HSP90AA1: variants seen among roughly 807,000 people sequenced by gnomAD.
HSP90AA1 encodes heat shock protein 90 alpha family class A member 1, also known as heat shock protein HSP 90-alpha.
A neutral mutation model predicts 73.3 loss-of-function variants in HSP90AA1; 18 were observed. The observed-to-expected ratio is 0.25, with a 90% CI of 0.17 to 0.36. HSP90AA1 has a LOEUF of 0.36. Ranked by LOEUF, HSP90AA1 falls within the 10% of genes least tolerant of loss-of-function variation. The probability of loss-of-function intolerance (pLI) is 1.00; values close to 1 mark genes in which losing one functional copy is unlikely to be tolerated. For missense variants in HSP90AA1, 704 were observed against 874.2 expected (o/e 0.81, Z 2.45); for synonymous variants, 477 against 296.9 (o/e 1.61, Z -6.24).
In HSP90AA1 at chr14:102,084,948, C is replaced by CT; in HGVS notation, c.713dup (p.Glu239GlyfsTer19). ...TTTCTTTTTCTTCTTCTTTGTCTTCCTTTTCTTCAGCCTCATCATCGCTTA... is the reference window on the plus strand; with the variant it reads ...TTTCTTTTTCTTCTTCTTTGTCTTCCTTTTTCTTCAGCCTCATCATCGCTTA... On this transcript the variant is annotated frameshift_variant, in exon 5 of 11. Transcript: ENST00000216281. LOFTEE classifies it high-confidence loss of function. The CT allele has an allele frequency of 6.2e-7, 1 of 1,604,174 alleles. No individual in the cohort carries two copies. Among genetic ancestry groups the CT allele is most frequent in the Non-Finnish European group, 8.5e-7 (1 of 1,171,266 alleles).
intron 1 of HSP90AA1, among the ~76,000 whole-genome samples, chr14:102,133,455 G>A (rs1038712437): frequency 2.0e-5 from 3 of 151,570 alleles, no homozygotes; most frequent in African/African-American, 7.3e-5. Context: ...TATTACCCAG[G>A]GCTTGGTGAG....
chr14:102,082,514 C>T (rs557742309), intron 9 of HSP90AA1, 70 bp from the exon 10 acceptor site: 41 of 1,210,572 alleles, frequency 3.4e-5, no homozygotes, highest in Non-Finnish European at 4.6e-5. Context: ...GAAATGAAAT[C>T]TGTAGAACCC....
intron 1 of HSP90AA1, among the ~76,000 whole-genome samples, chr14:102,108,171 G>C (rs761569459): frequency 4.0e-5 from 6 of 149,274 alleles, no homozygotes; most frequent in Non-Finnish European, 5.9e-5. Flanking sequence ...GCTGAGGTGG[G>C]AGGACTGCTT....
chr14:102,087,080 G>A (rs572483444), upstream of HSP90AA1: 621 of 983,386 alleles, frequency 6.3e-4, 2 homozygotes, highest in African/African-American at 9.6e-3. Context: ...ATATAGCGAC[G>A]GGCCCGCCCA....
upstream of HSP90AA1, chr14:102,139,727 C>A (rs1364829592): frequency 5.4e-5 from 44 of 819,380 alleles, no homozygotes; most frequent in East Asian, 1.1e-3. Context: ...TGGAGCACGC[C>A]AGGTGAGCAC....
At chr14:102,108,531 C>CTTTTTTTT in intron 1 of HSP90AA1, among the ~76,000 whole-genome samples, 1 of 130,786 alleles carries the variant, frequency 7.6e-6, no homozygotes, top group Non-Finnish European at 1.6e-5. Context: ...TAACTTATAA[C>CTTTTTTTT]TTTTTTTTTT....
At chr14:102,084,154 C>T in intron 6 of HSP90AA1, 171 bp from the exon 7 acceptor site, 1 of 710,652 alleles carries the variant, frequency 1.4e-6, no homozygotes, top group Non-Finnish European at 2.4e-6. Context: ...ACTGCAACCT[C>T]TGCCTCCCGG....
chr14:102,136,547 C>T (rs1402948720), intron 1 of HSP90AA1, among the ~76,000 whole-genome samples: 4 of 86,450 alleles, frequency 4.6e-5, no homozygotes, highest in Non-Finnish European at 8.3e-5. Flanking sequence ...CCAGCCTGGG[C>T]GACAGAGTGA....
chr14:102,117,770 G>A (rs1205181442), intron 1 of HSP90AA1, among the ~76,000 whole-genome samples: 4 of 152,130 alleles, frequency 2.6e-5, no homozygotes, highest in African/African-American at 7.2e-5. Flanking sequence ...TGCTCACCAC[G>A]TTGCGGGCGA....
chr14:102,084,184 A>T, intron 6 of HSP90AA1: 3 of 678,672 alleles, frequency 4.4e-6, no homozygotes, highest in Non-Finnish European at 7.7e-6. Context: ...AGCTGTTTTC[A>T]TGCCTCAGCC....
At chr14:102,121,022 TAC>T (rs1196251138) in intron 1 of HSP90AA1, among the ~76,000 whole-genome samples, 159 of 145,266 alleles carry the variant, frequency 1.1e-3, no homozygotes, top group African/African-American at 3.7e-3. Flanking sequence ...CACACACACA[TAC>T]ACACACACAC....
At position 102,113,697 on chromosome 14, in the gene HSP90AA1, T is replaced by A. The variant is rs1483359182; in HGVS notation, c.156-11612A>T. Reference sequence around the variant, plus strand: ...ACCAGGCATACTCATTTATTTTATTTTTTTATTTTTATTTATTTATTTGTT... The same window carrying A: ...ACCAGGCATACTCATTTATTTTATTATTTTATTTTTATTTATTTATTTGTT... On this transcript the variant is annotated intron_variant, in intron 1 of 11. Coordinates refer to the HSP90AA1 transcript ENST00000334701. 2.6e-5 allele frequency among the ~76,000 whole-genome samples: 4 copies of A among 151,974 alleles called. No homozygotes were observed. The East Asian group carries it at 7.7e-4, about 29-fold the overall frequency.
At chr14:102,111,477 TTC>T (rs2049641285) in intron 1 of HSP90AA1, among the ~76,000 whole-genome samples, 1 of 152,196 alleles carries the variant, frequency 6.6e-6, no homozygotes, top group South Asian at 2.1e-4. Flanking sequence ...CTGCCTAGAT[TTC>T]CCTTTTCATG....
intron 9 of HSP90AA1, 50 bp from the exon 10 acceptor site, chr14:102,082,494 C>G: frequency 6.9e-7 from 1 of 1,447,836 alleles, no homozygotes; most frequent in Non-Finnish European, 9.6e-7. Context: ...AATTCCTAAA[C>G]TTTCATTGTG....
chr14:102,106,191 TC>T (rs1277937032), intron 1 of HSP90AA1, among the ~76,000 whole-genome samples: 6 of 152,196 alleles, frequency 3.9e-5, no homozygotes, highest in Admixed American at 6.5e-5. Flanking sequence ...GCCTGGCTTT[TC>T]CAGTTCTTTG....
Position 102,085,305 on chromosome 14 carries a change from G to A in HSP90AA1, c.656C>T (p.Thr219Ile). Residue 219 changes from threonine to isoleucine, a missense_variant, in exon 4 of 11, where the codon ACT becomes ATT. By Grantham distance (89) the Thr-to-Ile change is moderately conservative (BLOSUM62 -1). Transcript: ENST00000216281. The stretch of plus-strand genomic sequence containing the variant: ...AATTACATAAAAACTTACAAAAAGA[G>A]TAATGGGATATCCAATAAACTGAGA... Reference protein sequence around the residue: ...KHSQFIGYPITLFVEKERDKE... With the variant: ...KHSQFIGYPIILFVEKERDKE... The A allele has an allele frequency of 1.9e-6, 3 of 1,611,644 alleles. No homozygotes were observed. Among genetic ancestry groups the A allele is most frequent in the Admixed American group, 1.7e-5 (1 of 60,012 alleles).
At chr14:102,102,338 A>G (rs772464550) in intron 1 of HSP90AA1, among the ~76,000 whole-genome samples, 5 of 152,162 alleles carry the variant, frequency 3.3e-5, no homozygotes, top group Non-Finnish European at 7.4e-5. Flanking sequence ...CCACTCCAGC[A>G]GTGCTTCTCT....
chr14:102,139,641 G>A, exon 1 of HSP90AA1: 1 of 643,830 alleles, frequency 1.6e-6, no homozygotes. Context: ...ACTAGCTGAA[G>A]CCGGCATCAC....
chr14:102,097,132 G>A (rs986377706), intron 2 of HSP90AA1, among the ~76,000 whole-genome samples: 10 of 151,860 alleles, frequency 6.6e-5, no homozygotes, highest in Admixed American at 5.3e-4. Flanking sequence ...GATTATAGGC[G>A]CCCACTACCA....
Sources: gnomAD v4.1 joint callset for allele counts (sites outside exome capture counted in the v4.1 genomes callset) on GRCh38, gnomAD v4.1.1 for gene constraint, MANE v1.5 for transcripts, NCBI Gene and HGNC (gene_info 2026-07-23, HGNC 2026-07-21) for gene names.